The following ADAMTSL1 variants were observed in gnomAD, a reference collection of about 807,000 sequenced individuals.
The protein encoded by ADAMTSL1 is ADAMTS-like protein 1.
Under a neutral mutation model 201.8 loss-of-function variants are expected in ADAMTSL1, and 126 were observed. The observed-to-expected ratio is 0.62, with a 90% CI of 0.54 to 0.72. ADAMTSL1 has a LOEUF of 0.72. Among genes scored for constraint, ADAMTSL1 ranks in the 30% least tolerant of loss-of-function variants. The pLI, the probability that ADAMTSL1 is intolerant of heterozygous loss-of-function variation, is 0.00. For synonymous variants in ADAMTSL1, 1,121 were observed against 903.4 expected, an observed-to-expected ratio of 1.24 and a Z score of -4.32; for missense variants, 2,679 against 2,277.8, an observed-to-expected ratio of 1.18 and a Z score of -3.59.
intron 1 of ADAMTSL1, among the ~76,000 whole-genome samples, chr9:17,970,969 G>A (rs1048990011): frequency 1.6e-4 from 25 of 151,958 alleles, no homozygotes; most frequent in African/African-American, 5.1e-4. Context: ...AATAGTAGAT[G>A]TTTTCCTAAA....
chr9:18,564,126 C>G (rs1237820092), intron 3 of ADAMTSL1, among the ~76,000 whole-genome samples: 1 of 152,208 alleles, frequency 6.6e-6, no homozygotes, highest in Non-Finnish European at 1.5e-5. Context: ...GCTTGAAACC[C>G]TGGGCCCTGG....
chr9:18,878,459 G>C (rs1828311792), intron 23 of ADAMTSL1, among the ~76,000 whole-genome samples: 1 of 152,222 alleles, frequency 6.6e-6, no homozygotes, highest in Non-Finnish European at 1.5e-5. Context: ...AGAGCCAACA[G>C]GGCTCTTCCC....
chr9:18,532,642 A>G (rs1007057387), intron 2 of ADAMTSL1, among the ~76,000 whole-genome samples: 1 of 151,982 alleles, frequency 6.6e-6, no homozygotes, highest in Non-Finnish European at 1.5e-5. Context: ...TTTTTTATTT[A>G]TACTGGAAAG....
intron 1 of ADAMTSL1, among the ~76,000 whole-genome samples, chr9:18,105,018 T>C (rs889577513): frequency 6.6e-6 from 1 of 151,992 alleles, no homozygotes; most frequent in Admixed American, 6.6e-5. Context: ...CAAGGCCGTA[T>C]GTATAAATAA....
intron 7 of ADAMTSL1, among the ~76,000 whole-genome samples, chr9:18,648,931 G>A (rs1230832270): frequency 1.3e-5 from 2 of 152,088 alleles, no homozygotes; most frequent in Non-Finnish European, 2.9e-5. Context: ...CTGAATGTTG[G>A]CCTGCCTTGC....
At chr9:18,091,132 T>C (rs1587022922) in intron 1 of ADAMTSL1, among the ~76,000 whole-genome samples, 1 of 152,032 alleles carries the variant, frequency 6.6e-6, no homozygotes, top group African/African-American at 2.4e-5. Context: ...TGGATATAAA[T>C]TGGTAGTCAA....
intron 4 of ADAMTSL1, among the ~76,000 whole-genome samples, chr9:18,599,466 GTTTCTA>G (rs1460673120): frequency 6.6e-6 from 1 of 152,104 alleles, no homozygotes; most frequent in Non-Finnish European, 1.5e-5. Flanking sequence ...TCATGCATGG[GTTTCTA>G]TTTTTTAATC....
chr9:18,671,184 A>G (rs545734150), intron 9 of ADAMTSL1, among the ~76,000 whole-genome samples: 3 of 152,310 alleles, frequency 2.0e-5, no homozygotes, highest in Non-Finnish European at 4.4e-5. Flanking sequence ...CCAATAGTAC[A>G]CAGTTAAAAG....
At chr9:18,491,768 A>G (rs895766754) in intron 1 of ADAMTSL1, among the ~76,000 whole-genome samples, 4 of 152,218 alleles carry the variant, frequency 2.6e-5, no homozygotes, top group African/African-American at 9.6e-5. Context: ...ACTGGAAGAT[A>G]GGAAGAGATG....
intron 2 of ADAMTSL1, among the ~76,000 whole-genome samples, chr9:18,391,276 C>G (rs1838034528): frequency 6.6e-6 from 1 of 151,984 alleles, no homozygotes; most frequent in Admixed American, 6.6e-5. Flanking sequence ...GTTTTAGAAG[C>G]CTTTTCAGTA....
intron 26 of ADAMTSL1, among the ~76,000 whole-genome samples, chr9:18,902,623 T>C (rs1335865104): frequency 6.6e-6 from 1 of 151,798 alleles, no homozygotes; most frequent in Non-Finnish European, 1.5e-5. Context: ...GAGAAAATTT[T>C]ATGGCTGTAA....
chr9:17,948,777 C>T (rs182178147), intron 1 of ADAMTSL1, among the ~76,000 whole-genome samples: 115 of 152,324 alleles, frequency 7.5e-4, no homozygotes, highest in African/African-American at 2.7e-3. Flanking sequence ...AATAAAAAGA[C>T]TTTAAAAATT....
intron 23 of ADAMTSL1, among the ~76,000 whole-genome samples, chr9:18,862,008 C>T (rs776176244): frequency 1.3e-5 from 2 of 152,168 alleles, no homozygotes; most frequent in African/African-American, 2.4e-5. Context: ...AAGGTCTTTG[C>T]GTTCCCCTGG....
At chr9:18,565,591 T>C (rs2132308018) in intron 3 of ADAMTSL1, among the ~76,000 whole-genome samples, 1 of 149,120 alleles carries the variant, frequency 6.7e-6, no homozygotes, top group South Asian at 2.1e-4. Flanking sequence ...AAAAAGCCTG[T>C]TGGCCTTTTC....
intron 2 of ADAMTSL1, among the ~76,000 whole-genome samples, chr9:18,184,406 C>T (rs1828639856): frequency 6.6e-6 from 1 of 152,054 alleles, no homozygotes; most frequent in South Asian, 2.1e-4. Flanking sequence ...GTATTTCCTA[C>T]ACAAAACTTT....
chr9:18,000,994 A>G (rs1283851584), intron 1 of ADAMTSL1, among the ~76,000 whole-genome samples: 2 of 152,064 alleles, frequency 1.3e-5, no homozygotes, highest in African/African-American at 2.4e-5. Context: ...TGGATTGACA[A>G]TCCCATCAGG....
chr9:18,692,389 A>C (rs910187369), intron 13 of ADAMTSL1, among the ~76,000 whole-genome samples: 1 of 152,128 alleles, frequency 6.6e-6, no homozygotes, highest in Non-Finnish European at 1.5e-5. Context: ...ATTGCAAACC[A>C]AGAAGTTCTA....
intron 2 of ADAMTSL1, among the ~76,000 whole-genome samples, chr9:18,195,957 A>G (rs1239030406): frequency 6.6e-6 from 1 of 152,202 alleles, no homozygotes; most frequent in Non-Finnish European, 1.5e-5. Flanking sequence ...AAAAGTTAAA[A>G]ACTGTATTTT....
chr9:18,429,225 T>C (rs1337616609), intron 2 of ADAMTSL1, among the ~76,000 whole-genome samples: 1 of 152,216 alleles, frequency 6.6e-6, no homozygotes. Flanking sequence ...TTTGGAAACA[T>C]TACTCTCTAC....
Sources: gnomAD v4.1 joint callset for allele counts (sites outside exome capture counted in the v4.1 genomes callset) on GRCh38, gnomAD v4.1.1 for gene constraint, MANE v1.5 for transcripts, NCBI Gene and HGNC (gene_info 2026-07-23, HGNC 2026-07-21) for gene names.